Variants in ANKS1B observed in about 807,000 individuals in gnomAD.
The protein encoded by ANKS1B is ankyrin repeat and sterile alpha motif domain containing 1B.
ANKS1B carries 36 observed loss-of-function variants against 148.3 expected under a neutral mutation model. The ratio of observed to expected loss-of-function variants is 0.24; its 90% CI spans 0.19 to 0.32. ANKS1B has a LOEUF of 0.32. Ranked by LOEUF, ANKS1B falls within the 10% of genes least tolerant of loss-of-function variation. ANKS1B has a pLI of 1.00. For synonymous variants in ANKS1B, 542 were observed against 560.8 expected (o/e 0.97, Z 0.47); for missense variants, 1,157 against 1,542.6 (o/e 0.75, Z 4.19).
intron 15 of ANKS1B, among the ~76,000 whole-genome samples, chr12:99,111,495 G>A (rs1003308488): frequency 1.2e-4 from 19 of 152,008 alleles, no homozygotes; most frequent in African/African-American, 4.6e-4. Context: ...ACAAGCCTGA[G>A]AGAGAAGACT....
At chr12:99,640,196 TTAAAA>T (rs541119624) in intron 9 of ANKS1B, among the ~76,000 whole-genome samples, 220 of 152,154 alleles carry the variant, frequency 1.4e-3, no homozygotes, top group African/African-American at 5.0e-3. Flanking sequence ...ACTTAATTAA[TTAAAA>T]TAAAATAAAA....
intron 10 of ANKS1B, among the ~76,000 whole-genome samples, chr12:99,470,649 C>A (rs1164900059): frequency 6.6e-6 from 1 of 152,236 alleles, no homozygotes; most frequent in East Asian, 1.9e-4. Context: ...TTTATGCTAA[C>A]AAGAGTGTGC....
intron 17 of ANKS1B, among the ~76,000 whole-genome samples, chr12:98,981,760 C>A (rs145639252): frequency 1.9e-4 from 29 of 152,294 alleles, no homozygotes; most frequent in Admixed American, 8.5e-4. Context: ...AACCATGAGA[C>A]CTTAAATGAT....
At chr12:99,273,936 A>G (rs1036747793) in intron 12 of ANKS1B, among the ~76,000 whole-genome samples, 3 of 151,994 alleles carry the variant, frequency 2.0e-5, no homozygotes, top group Non-Finnish European at 4.4e-5. Context: ...TATTTTATGC[A>G]TGGCCTGAGA....
At chr12:99,442,392 C>T (rs1848510218) in intron 11 of ANKS1B, among the ~76,000 whole-genome samples, 1 of 151,808 alleles carries the variant, frequency 6.6e-6, no homozygotes, top group Admixed American at 6.6e-5. Flanking sequence ...TCAAATGTTA[C>T]CTGTGCCTAA....
At chr12:99,635,985 T>G (rs1383744104) in intron 9 of ANKS1B, among the ~76,000 whole-genome samples, 1 of 152,064 alleles carries the variant, frequency 6.6e-6, no homozygotes, top group Non-Finnish European at 1.5e-5. Flanking sequence ...AAGGTCAGCC[T>G]AAGCAAGATA....
chr12:99,049,944 G>C (rs1397069926), intron 17 of ANKS1B, among the ~76,000 whole-genome samples: 3 of 152,142 alleles, frequency 2.0e-5, no homozygotes, highest in Non-Finnish European at 4.4e-5. Context: ...GGCTACCCTT[G>C]CACTTCTCTT....
intron 1 of ANKS1B, among the ~76,000 whole-genome samples, chr12:99,836,180 T>C (rs945312641): frequency 1.3e-5 from 2 of 152,290 alleles, no homozygotes; most frequent in Admixed American, 1.3e-4. Context: ...TGTTTGTTTT[T>C]GTAAATAAAG....
intron 25 of ANKS1B, among the ~76,000 whole-genome samples, chr12:98,762,592 C>T (rs963639830): frequency 1.3e-5 from 2 of 152,210 alleles, no homozygotes; most frequent in African/African-American, 2.4e-5. Flanking sequence ...GCAATACATG[C>T]GTTTGCCATC....
intron 9 of ANKS1B, among the ~76,000 whole-genome samples, chr12:99,638,353 T>C (rs1474240422): frequency 6.6e-6 from 1 of 152,078 alleles, no homozygotes; most frequent in Non-Finnish European, 1.5e-5. Context: ...ATGGCTTTGG[T>C]CAAAATGTTG....
At chr12:99,179,145 G>C (rs2078787420) in intron 14 of ANKS1B, among the ~76,000 whole-genome samples, 1 of 152,034 alleles carries the variant, frequency 6.6e-6, no homozygotes. Flanking sequence ...AAATTTAGTT[G>C]AGGCCGGGCG....
chr12:99,877,775 C>A (rs1184429838), intron 1 of ANKS1B, among the ~76,000 whole-genome samples: 1 of 152,226 alleles, frequency 6.6e-6, no homozygotes, highest in South Asian at 2.1e-4. Context: ...AAATAGGGAA[C>A]CTGACCAGGT....
chr12:99,679,371 C>A (rs561722132), intron 8 of ANKS1B, among the ~76,000 whole-genome samples: 1 of 152,140 alleles, frequency 6.6e-6, no homozygotes, highest in African/African-American at 2.4e-5. Flanking sequence ...TGCAGTGGCA[C>A]CATCTCGACT....
intron 17 of ANKS1B, among the ~76,000 whole-genome samples, chr12:99,048,521 C>T (rs1392577256): frequency 6.6e-6 from 1 of 152,154 alleles, no homozygotes; most frequent in East Asian, 1.9e-4. Context: ...AGCTATATTA[C>T]TTCCAATGAC....
chr12:98,823,535 G>C (rs1471500111), intron 19 of ANKS1B, among the ~76,000 whole-genome samples: 1 of 152,218 alleles, frequency 6.6e-6, no homozygotes, highest in African/African-American at 2.4e-5. Context: ...TGTCACTCAG[G>C]CTGGAGTGCA....
At chr12:99,212,758 C>T (rs2083520615) in intron 14 of ANKS1B, among the ~76,000 whole-genome samples, 1 of 152,120 alleles carries the variant, frequency 6.6e-6, no homozygotes, top group African/African-American at 2.4e-5. Flanking sequence ...ACTTGCAGGC[C>T]TAGAGCTGGA....
intron 12 of ANKS1B, among the ~76,000 whole-genome samples, chr12:99,287,744 A>G (rs1440387195): frequency 6.6e-6 from 1 of 152,218 alleles, no homozygotes; most frequent in Non-Finnish European, 1.5e-5. Context: ...GAAATTCTGG[A>G]GCTGAAAAAT....
At position 99,488,397 on chromosome 12, in the gene ANKS1B, T is replaced by C. The variant is rs555878102; in HGVS notation, c.1438+16079A>G. On this transcript the variant is annotated intron_variant, in intron 10 of 26. Transcript: ENST00000683438. ...AACTAGGGACATTTTAATTAATAAA[T>C]TGTTGCTTTATTCTTTTAGTCTTCA... Among the ~76,000 whole-genome samples the C allele has an allele frequency of 7.2e-5, 11 of 152,300 alleles. No individual in the cohort carries two copies. The East Asian group carries it at 2.1e-3, about 29-fold the overall frequency.
chr12:99,558,073 CAATGGAGAGT>C (rs1475727414), intron 9 of ANKS1B, among the ~76,000 whole-genome samples: 1 of 152,186 alleles, frequency 6.6e-6, no homozygotes, highest in South Asian at 2.1e-4. Context: ...CACAACGCTA[CAATGGAGAGT>C]GTAAGCCCAA....
Sources: allele counts gnomAD v4.1 joint callset (sites outside exome capture counted in the v4.1 genomes callset), GRCh38; gene constraint gnomAD v4.1.1; transcripts MANE v1.5; gene names NCBI Gene and HGNC (gene_info 2026-07-23, HGNC 2026-07-21).